Variants in CFAP97D2 observed in about 807,000 individuals in gnomAD.
The protein encoded by CFAP97D2 is CFAP97 domain containing 2, also known as uncharacterized protein CFAP97D2.
intron 1 of CFAP97D2, among the ~76,000 whole-genome samples, chr13:114,193,324 G>C (rs1012802147): frequency 2.0e-5 from 3 of 152,168 alleles, no homozygotes; most frequent in African/African-American, 7.2e-5. Context: ...AACAATAAAA[G>C]CAGTGTCTGT....
intron 3 of CFAP97D2, among the ~76,000 whole-genome samples, chr13:114,210,285 A>T (rs932350449): frequency 9.3e-4 from 141 of 152,222 alleles, no homozygotes; most frequent in Non-Finnish European, 9.0e-4. Flanking sequence ...ATTATTAAAA[A>T]TTAATTCAGA....
chr13:114,221,867 C>T (rs959699015), intron 4 of CFAP97D2, among the ~76,000 whole-genome samples: 2 of 152,134 alleles, frequency 1.3e-5, no homozygotes, highest in African/African-American at 2.4e-5. Flanking sequence ...GGTCTATATT[C>T]GAGAGACTTG....
At chr13:114,183,716 G>A (rs2080845380) in intron 1 of CFAP97D2, among the ~76,000 whole-genome samples, 1 of 151,956 alleles carries the variant, frequency 6.6e-6, no homozygotes, top group African/African-American at 2.4e-5. Flanking sequence ...GAGGGCATTA[G>A]TCCTATTCAC....
At chr13:114,197,565 A>T (rs12584383) in intron 2 of CFAP97D2, among the ~76,000 whole-genome samples, 6 of 152,142 alleles carry the variant, frequency 3.9e-5, no homozygotes, top group Admixed American at 3.9e-4. Flanking sequence ...ATGACCCATC[A>T]TGTCTTGGGG....
intron 4 of CFAP97D2, among the ~76,000 whole-genome samples, chr13:114,217,256 C>T (rs1469663597): frequency 1.1e-4 from 16 of 151,794 alleles, no homozygotes; most frequent in Admixed American, 2.0e-4. Flanking sequence ...AACACCTCTA[C>T]GCAAATAAAC....
At chr13:114,205,089 C>A (rs2080933375) in intron 3 of CFAP97D2, among the ~76,000 whole-genome samples, 1 of 152,186 alleles carries the variant, frequency 6.6e-6, no homozygotes, top group Non-Finnish European at 1.5e-5. Flanking sequence ...CATCATTCAT[C>A]ATCAAGGAAA....
chr13:114,193,736 G>A (rs577403012), intron 1 of CFAP97D2, among the ~76,000 whole-genome samples: 121 of 152,250 alleles, frequency 7.9e-4, no homozygotes, highest in Non-Finnish European at 1.4e-3. Context: ...AGCTGGTGAT[G>A]TACAAACAAT....
At chr13:114,218,997 C>G (rs915903665) in intron 4 of CFAP97D2, among the ~76,000 whole-genome samples, 1 of 152,158 alleles carries the variant, frequency 6.6e-6, no homozygotes, top group African/African-American at 2.4e-5. Context: ...ACACCAAAAG[C>G]AATGGCAACA....
At position 114,222,456 on chromosome 13, in the gene CFAP97D2, G is replaced by A. The variant is rs1261774597; in HGVS notation, c.481-42G>A. On this transcript the variant is annotated intron_variant, in intron 4 of 4. Coordinates refer to ENST00000646158, the Ensembl canonical transcript of CFAP97D2. The surrounding 1 kb of genome is among the most constrained non-coding windows in gnomAD (Gnocchi z 4.4). ...AGTAAGTTGATAGTTTCTTGTTCTT[G>A]CCTAAGAAAGCGTTAGTTTCAAATA... is the stretch of plus-strand genomic sequence containing the variant. The A allele has an allele frequency of 1.5e-5, 6 of 398,424 alleles. No individual in the cohort carries two copies. The highest frequency in any genetic ancestry group is 1.2e-3 in the Middle Eastern group (2 of 1,610). 24.7% of individuals were successfully genotyped at this position (398,424 alleles called of 1,614,324 possible).
chr13:114,219,878 G>A lies in CFAP97D2; in HGVS notation c.481-2620G>A, dbSNP rs151194159. Among the ~76,000 whole-genome samples the A allele has an allele frequency of 1.3e-3, 202 of 152,168 alleles. 2 individuals are homozygous for A. Among genetic ancestry groups the A allele is most frequent in the African/African-American group, 4.6e-3 (193 of 41,520 alleles). On this transcript the variant is annotated intron_variant, in intron 4 of 4. Transcript: ENST00000646158. ...CCTGTGTGTGAGGGAGGAAGGAGGCGATGGGCCCAGGGCCATAGGGTACCT... is the reference window on the plus strand; with the variant it reads ...CCTGTGTGTGAGGGAGGAAGGAGGCAATGGGCCCAGGGCCATAGGGTACCT...
At chr13:114,206,981 G>A (rs1344520672) in intron 3 of CFAP97D2, among the ~76,000 whole-genome samples, 3 of 152,190 alleles carry the variant, frequency 2.0e-5, no homozygotes, top group Admixed American at 1.3e-4. Context: ...AAAGGGACAG[G>A]CATTGAAATG....
chr13:114,200,007 C>A (rs1402401330), intron 2 of CFAP97D2, among the ~76,000 whole-genome samples: 1 of 140,524 alleles, frequency 7.1e-6, no homozygotes, highest in African/African-American at 2.7e-5. Flanking sequence ...GGCGTGACGG[C>A]GCGTCCCTGT....
rs749521323 is a variant in CFAP97D2, at chr13:114,203,009, C to T, written c.290+2566C>T. Among the ~76,000 whole-genome samples, 2 of 152,194 alleles carry T rather than the reference C, an allele frequency of 1.3e-5. No individual in the cohort carries two copies. The highest frequency in any genetic ancestry group is 1.9e-4 in the East Asian group (1 of 5,200). ...TTGCCCAGAGGAAGAAGCAGACCCTCGTAACAGCTCCCATTCTCTTCCCAA... is the reference window on the plus strand; with the variant it reads ...TTGCCCAGAGGAAGAAGCAGACCCTTGTAACAGCTCCCATTCTCTTCCCAA... On this transcript the variant is annotated intron_variant, in intron 3 of 4. Coordinates refer to ENST00000646158, the Ensembl canonical transcript of CFAP97D2. This position sits in a 1 kb window ranked among gnomAD's most constrained non-coding sequence, Gnocchi z 4.3.
At chr13:114,202,260 T>C (rs552837419) in intron 3 of CFAP97D2, among the ~76,000 whole-genome samples, 1 of 152,186 alleles carries the variant, frequency 6.6e-6, no homozygotes, top group African/African-American at 2.4e-5. Context: ...GCAATCAGAG[T>C]TTATGTAAAA....
intron 3 of CFAP97D2, among the ~76,000 whole-genome samples, chr13:114,205,956 T>C (rs2080938023): frequency 1.3e-5 from 2 of 152,180 alleles, no homozygotes; most frequent in Non-Finnish European, 2.9e-5. Context: ...GCCCTTCGAC[T>C]AGAAGCTATG....
At chr13:114,216,741 C>T (rs1194228817) in intron 4 of CFAP97D2, among the ~76,000 whole-genome samples, 2 of 152,164 alleles carry the variant, frequency 1.3e-5, no homozygotes, top group Non-Finnish European at 2.9e-5. Flanking sequence ...AATAGTGCTG[C>T]AATAAACATA....
intron 1 of CFAP97D2, among the ~76,000 whole-genome samples, chr13:114,196,069 C>T (rs978936025): frequency 1.7e-3 from 183 of 110,364 alleles, no homozygotes; most frequent in African/African-American, 7.2e-3. Context: ...GGCAACAGAG[C>T]GAGACTCAAA....
intron 1 of CFAP97D2, among the ~76,000 whole-genome samples, chr13:114,191,540 A>G (rs2080869450): frequency 6.6e-6 from 1 of 152,212 alleles, no homozygotes; most frequent in South Asian, 2.1e-4. Flanking sequence ...CTTATGCATG[A>G]GGGAAATGCA....
chr13:114,200,555 G>C, intron 3 of CFAP97D2, 112 bp downstream of exon 3: 1 of 393,174 alleles, frequency 2.5e-6, no homozygotes, highest in Non-Finnish European at 4.5e-6. Context: ...AGGCGTTTCT[G>C]TCCTCTCCCG....
Sources: allele counts gnomAD v4.1 joint callset (sites outside exome capture counted in the v4.1 genomes callset), GRCh38; gene constraint gnomAD v4.1.1; non-coding constraint Gnocchi (gnomAD v3.1); transcripts MANE v1.5; gene names NCBI Gene and HGNC (gene_info 2026-07-23, HGNC 2026-07-21).